The following CCSER1 variants were observed in gnomAD, a reference collection of about 807,000 sequenced individuals.
CCSER1 encodes coiled-coil serine rich protein 1, also known as serine-rich coiled-coil domain-containing protein 1.
CCSER1 carries 41 observed loss-of-function variants against 82.0 expected under a neutral mutation model. The observed-to-expected ratio is 0.50, with a 90% CI of 0.39 to 0.65. The LOEUF (loss-of-function observed/expected upper bound fraction) is 0.65, where lower values mean the gene tolerates loss of function less well. CCSER1 is among the 30% of genes least tolerant of loss of function. CCSER1 has a pLI of 0.00. For synonymous variants in CCSER1, 414 were observed against 383.9 expected (o/e 1.08, Z -0.92); for missense variants, 1,119 against 1,064.2 (o/e 1.05, Z -0.72).
chr4:91,083,868 A>G (rs1032348353), intron 9 of CCSER1, among the ~76,000 whole-genome samples: 1 of 152,176 alleles, frequency 6.6e-6, no homozygotes, highest in Non-Finnish European at 1.5e-5. Flanking sequence ...GGTGACATTA[A>G]CAAGTCATTT....
At chr4:91,541,551 A>G (rs1429634999) in intron 10 of CCSER1, among the ~76,000 whole-genome samples, 3 of 152,210 alleles carry the variant, frequency 2.0e-5, no homozygotes, top group Non-Finnish European at 4.4e-5. Context: ...TACAAAGGAC[A>G]TGAACTCATC....
chr4:90,379,389 T>C (rs1027032887), intron 3 of CCSER1, among the ~76,000 whole-genome samples: 5 of 152,186 alleles, frequency 3.3e-5, no homozygotes, highest in African/African-American at 1.2e-4. Flanking sequence ...GTTAATGCCA[T>C]CTATAGGACA....
At chr4:90,771,354 A>G (rs780371647) in intron 7 of CCSER1, among the ~76,000 whole-genome samples, 3 of 151,878 alleles carry the variant, frequency 2.0e-5, no homozygotes, top group Non-Finnish European at 4.4e-5. Context: ...TTTAGACAAT[A>G]TTATTGAGGG....
chr4:90,369,520 T>A (rs1578147285), intron 3 of CCSER1, among the ~76,000 whole-genome samples: 3 of 152,122 alleles, frequency 2.0e-5, no homozygotes, highest in Admixed American at 2.0e-4. Flanking sequence ...TATTTACAAG[T>A]ATATTTGAGA....
chr4:91,469,287 A>G (rs540137078), intron 10 of CCSER1, among the ~76,000 whole-genome samples: 1 of 152,336 alleles, frequency 6.6e-6, no homozygotes, highest in East Asian at 1.9e-4. Context: ...TAAGATAACA[A>G]TGAGACATGA....
intron 10 of CCSER1, among the ~76,000 whole-genome samples, chr4:91,224,292 C>T (rs928634945): frequency 6.6e-6 from 1 of 151,988 alleles, no homozygotes; most frequent in African/African-American, 2.4e-5. Flanking sequence ...AAGTATGCAG[C>T]ACTTTAACAA....
intron 10 of CCSER1, among the ~76,000 whole-genome samples, chr4:91,549,463 CTG>C (rs1762055319): frequency 6.6e-6 from 1 of 152,042 alleles, no homozygotes; most frequent in South Asian, 2.1e-4. Context: ...GTAAAATAAA[CTG>C]TGGAAAACAG....
rs374445782 is a variant in CCSER1, at chr4:90,942,598, G to C, written c.2172+19151G>C. On this transcript the variant is annotated intron_variant, in intron 9 of 10. Transcript: ENST00000509176. ...CCTTAATTTGTAAACTTGTGGTCAC[G>C]TTATATATGGGCACACACACACTTT... Among the ~76,000 whole-genome samples, 20 of 151,866 alleles carry C rather than the reference G, an allele frequency of 1.3e-4. No individual in the cohort carries two copies. The East Asian group carries it at 3.9e-3, about 29-fold the overall frequency.
chr4:90,542,368 A>C (rs1294724921), intron 5 of CCSER1, among the ~76,000 whole-genome samples: 1 of 152,126 alleles, frequency 6.6e-6, no homozygotes, highest in African/African-American at 2.4e-5. Context: ...TTCGCTCAGC[A>C]GGAGGAAAGT....
chr4:91,359,474 T>C lies in CCSER1; in HGVS notation c.2218-239098T>C, dbSNP rs576467661. The stretch of plus-strand genomic sequence containing the variant: ...AAAACAGTGACTGATAAACTTATGA[T>C]GGCAAAAGCTGCTACCTATTAAAAT... On this transcript the variant is annotated intron_variant, in intron 10 of 10. Coordinates refer to ENST00000509176, the MANE Select transcript of CCSER1 (RefSeq NM_001145065.2). 2.6e-5 allele frequency among the ~76,000 whole-genome samples: 4 copies of C among 152,006 alleles called. No individual in the cohort carries two copies. The East Asian group carries it at 5.8e-4, about 22-fold the overall frequency.
chr4:91,471,410 T>A (rs1269586520), intron 10 of CCSER1, among the ~76,000 whole-genome samples: 1 of 152,170 alleles, frequency 6.6e-6, no homozygotes, highest in Admixed American at 6.5e-5. Flanking sequence ...CAGTCAGACC[T>A]ACACCTAGGA....
At chr4:91,049,292 C>G (rs1025316700) in intron 9 of CCSER1, among the ~76,000 whole-genome samples, 1 of 152,126 alleles carries the variant, frequency 6.6e-6, no homozygotes. Context: ...AATAATGCAA[C>G]TAGTTGTATC....
chr4:91,171,682 C>G (rs556397687), intron 10 of CCSER1, among the ~76,000 whole-genome samples: 3 of 152,116 alleles, frequency 2.0e-5, no homozygotes, highest in African/African-American at 7.2e-5. Context: ...CTTCTCTATA[C>G]TATTTTTTTA....
chr4:90,881,097 C>T (rs560005954), intron 8 of CCSER1, among the ~76,000 whole-genome samples: 1 of 151,364 alleles, frequency 6.6e-6, no homozygotes, highest in East Asian at 1.9e-4. Flanking sequence ...AGTATGATTT[C>T]TTATATGAGT....
intron 9 of CCSER1, among the ~76,000 whole-genome samples, chr4:90,979,058 C>A (rs1484933055): frequency 6.6e-6 from 1 of 151,526 alleles, no homozygotes; most frequent in Non-Finnish European, 1.5e-5. Context: ...AACAAAACAG[C>A]AATTCCTTTC....
intron 10 of CCSER1, among the ~76,000 whole-genome samples, chr4:91,203,262 T>A (rs1736075806): frequency 6.6e-6 from 1 of 152,018 alleles, no homozygotes; most frequent in Admixed American, 6.6e-5. Flanking sequence ...CTGAGCTTTT[T>A]TTCATGTGGC....
intron 9 of CCSER1, among the ~76,000 whole-genome samples, chr4:91,058,792 T>C (rs534461870): frequency 6.6e-6 from 1 of 152,200 alleles, no homozygotes; most frequent in African/African-American, 2.4e-5. Context: ...AACTGAAATT[T>C]ATAAAGTTTA....
At chr4:90,865,009 C>T (rs1220869058) in intron 8 of CCSER1, among the ~76,000 whole-genome samples, 1 of 151,992 alleles carries the variant, frequency 6.6e-6, no homozygotes, top group African/African-American at 2.4e-5. Context: ...ATTTCAATGT[C>T]ATAAGACCCT....
chr4:90,681,804 T>C (rs1487538641), intron 6 of CCSER1, among the ~76,000 whole-genome samples: 3 of 152,020 alleles, frequency 2.0e-5, no homozygotes, highest in Non-Finnish European at 4.4e-5. Flanking sequence ...ATTTGTGGAC[T>C]GATTTAAGAA....
Sources: gnomAD v4.1 joint callset for allele counts (sites outside exome capture counted in the v4.1 genomes callset) on GRCh38, gnomAD v4.1.1 for gene constraint, MANE v1.5 for transcripts, NCBI Gene and HGNC (gene_info 2026-07-23, HGNC 2026-07-21) for gene names.